CNNM2: variants seen among roughly 807,000 people sequenced by gnomAD.
CNNM2 encodes metal transporter CNNM2.
CNNM2 carries 12 observed loss-of-function variants against 66.9 expected under a neutral mutation model. The ratio of observed to expected loss-of-function variants is 0.18; its 90% CI spans 0.11 to 0.29. CNNM2 has a LOEUF of 0.29. CNNM2 is among the 10% of genes least tolerant of loss of function. The pLI is 1.00. For synonymous variants in CNNM2, 557 were observed against 501.8 expected, an observed-to-expected ratio of 1.11 and a Z score of -1.47; for missense variants, 705 against 1,167.7, an observed-to-expected ratio of 0.60 and a Z score of 5.77.
intron 4 of CNNM2, among the ~76,000 whole-genome samples, chr10:103,060,621 A>ACATT (rs1338312682): frequency 1.3e-5 from 2 of 152,236 alleles, no homozygotes; most frequent in African/African-American, 4.8e-5. Context: ...AAATTGTGAT[A>ACATT]CATTCTCTTA....
At chr10:103,038,806 A>G (rs951980242) in intron 1 of CNNM2, among the ~76,000 whole-genome samples, 5 of 152,180 alleles carry the variant, frequency 3.3e-5, no homozygotes, top group African/African-American at 1.2e-4. Flanking sequence ...TGTCTCCCAG[A>G]ATAGCAACAG....
intron 1 of CNNM2, among the ~76,000 whole-genome samples, chr10:103,010,950 GT>G (rs964162265): frequency 2.0e-5 from 3 of 152,024 alleles, no homozygotes; most frequent in Admixed American, 6.6e-5. Flanking sequence ...TTACTTTTTC[GT>G]TTTTTCAGAG....
intron 1 of CNNM2, among the ~76,000 whole-genome samples, chr10:102,969,371 G>C (rs543531607): frequency 6.6e-6 from 1 of 151,734 alleles, no homozygotes; most frequent in Admixed American, 6.6e-5. Context: ...CTGCCACCAC[G>C]CCTAGCTAAT....
chr10:103,035,648 C>G (rs1391935363), intron 1 of CNNM2, among the ~76,000 whole-genome samples: 1 of 152,146 alleles, frequency 6.6e-6, no homozygotes, highest in Non-Finnish European at 1.5e-5. Context: ...TATTAATTGC[C>G]TCACTTTGGG....
At chr10:102,958,789 A>ACTAGGACTTTGTGCTTTGGTTTGTGATAG (rs1240193602) in intron 1 of CNNM2, among the ~76,000 whole-genome samples, 1 of 151,158 alleles carries the variant, frequency 6.6e-6, no homozygotes, top group Non-Finnish European at 1.5e-5. Context: ...TTTTTAATCA[A>ACTAGGACTTTGTGCTTTGGTTTGTGATAG]CTAGGACTTT....
At chr10:103,015,621 A>C (rs1377362105) in intron 1 of CNNM2, among the ~76,000 whole-genome samples, 1 of 152,094 alleles carries the variant, frequency 6.6e-6, no homozygotes, top group Non-Finnish European at 1.5e-5. Context: ...TAGAAGGCCA[A>C]GGAGGGTGGA....
chr10:102,950,652 A>G (rs1001265965), intron 1 of CNNM2, among the ~76,000 whole-genome samples: 4 of 151,892 alleles, frequency 2.6e-5, no homozygotes. Context: ...TACTCATGAC[A>G]CTGAGGCTGG....
rs1247071165 is a variant in CNNM2 at position 102,919,126 on chromosome 10, G to A, written c.646G>A (p.Gly216Ser). Reference sequence around the variant, plus strand: ...CACGGGTGGCGCCGTCGGGGGCAAGGGTGGCTCGGGGGTGGCCGGGCTCCC... The same window carrying A: ...CACGGGTGGCGCCGTCGGGGGCAAGAGTGGCTCGGGGGTGGCCGGGCTCCC... ...GSTGGAVGGK[G>S]GSGVAGLPPP... Residue 216 changes from glycine to serine, a missense_variant, in exon 1 of 8, where the codon GGT becomes AGT. By Grantham distance (56) the Gly-to-Ser change is moderately conservative. This residue lies in a region of CNNM2 where 100 missense variants were observed against 151.9 expected (regional missense o/e 0.66). Coordinates refer to ENST00000369878, the MANE Select transcript of CNNM2 (RefSeq NM_017649.5). 3.7e-6 allele frequency: 6 copies of A among 1,610,940 alleles called. No individual in the cohort carries two copies. The highest frequency in any genetic ancestry group is 4.5e-5 in the East Asian group (2 of 44,840).
Position 103,088,781 on chromosome 10 carries a change from T to C in CNNM2, c.*11601T>C, listed in dbSNP as rs776086936. 10 of 182,804 alleles carry C rather than the reference T, an allele frequency of 5.5e-5. No homozygotes were observed. Among genetic ancestry groups the C allele is most frequent in the Non-Finnish European group, 8.2e-5 (7 of 85,882 alleles). The allele number at this position is 182,804 out of a possible 1,614,324, so 11.3% of individuals were successfully genotyped here. Reference sequence around the variant, plus strand: ...ACAGAGCCCTCTTCCCATCCTCTGATGTTCAATTTTAATATACAGCAATCA... The same window carrying C: ...ACAGAGCCCTCTTCCCATCCTCTGACGTTCAATTTTAATATACAGCAATCA... On this transcript the variant is annotated 3_prime_UTR_variant, in exon 8 of 8. Transcript: ENST00000369878.
Position 102,918,327 on chromosome 10 carries a change from T to G in CNNM2, c.-154T>G, listed in dbSNP as rs558771089. 6 of 1,295,340 alleles carry G rather than the reference T, an allele frequency of 4.6e-6. No homozygotes were observed. The highest frequency in any genetic ancestry group is 6.1e-5 in the Admixed American group (2 of 32,882). 80.2% of individuals were successfully genotyped at this position (1,295,340 alleles called of 1,614,324 possible). On this transcript the variant is annotated 5_prime_UTR_variant, in exon 1 of 8. Coordinates refer to ENST00000369878, the MANE Select transcript of CNNM2 (RefSeq NM_017649.5). The surrounding 1 kb of genome is among the most constrained non-coding windows in gnomAD (Gnocchi z 4.1). ...CTTTCCCTCCCGCGAGCCTCGGGGT[T>G]CCTCAGCTGGCTGAGGTGGAGTCAG...
Position 102,918,405 on chromosome 10 carries a change from G to C in CNNM2, c.-76G>C. ...CACTGGCCGCGGACGCTCCGTTGCA[G>C]TCTCGCCCAGGGGCCGGTACCTGCG... On this transcript the variant is annotated 5_prime_UTR_variant, in exon 1 of 8. Transcript: ENST00000369878. This position sits in a 1 kb window ranked among gnomAD's most constrained non-coding sequence, Gnocchi z 4.1. 1.9e-6 allele frequency: 3 copies of C among 1,546,090 alleles called. No individual in the cohort carries two copies. In the South Asian group the frequency reaches 3.5e-5, roughly 18 times the overall value.
chr10:103,058,601 T>C (rs1260681736), intron 4 of CNNM2, among the ~76,000 whole-genome samples: 3 of 152,366 alleles, frequency 2.0e-5, no homozygotes, highest in East Asian at 1.9e-4. Context: ...TTTTAAGATA[T>C]TTTTGATAAG....
chr10:102,939,205 A>G (rs1373823963), intron 1 of CNNM2, among the ~76,000 whole-genome samples: 1 of 152,158 alleles, frequency 6.6e-6, no homozygotes, highest in Non-Finnish European at 1.5e-5. Flanking sequence ...AAGGTTGTAA[A>G]TATTTCCTTA....
intron 1 of CNNM2, among the ~76,000 whole-genome samples, chr10:103,012,394 C>T (rs1250000833): frequency 6.6e-6 from 1 of 152,140 alleles, no homozygotes; most frequent in Non-Finnish European, 1.5e-5. Flanking sequence ...GCCTGTAATC[C>T]CAGCACTTTG....
chr10:103,039,699 C>T (rs1191666118), intron 1 of CNNM2, among the ~76,000 whole-genome samples: 1 of 152,042 alleles, frequency 6.6e-6, no homozygotes, highest in Non-Finnish European at 1.5e-5. Flanking sequence ...GGCAGGGCAG[C>T]CCCAGTGGGT....
intron 1 of CNNM2, among the ~76,000 whole-genome samples, chr10:103,023,899 A>T (rs2064644728): frequency 6.6e-6 from 1 of 152,224 alleles, no homozygotes; most frequent in Non-Finnish European, 1.5e-5. Context: ...TATTTTTTAG[A>T]TGTGATAATT....
At position 102,918,741 on chromosome 10, in the gene CNNM2, C is replaced by T; in HGVS notation, c.261C>T (p.Phe87=). ...LRLEDTNDVS[F]MEGGALRVSE... ...TGGAGGACACGAACGACGTGTCGTT[C>T]ATGGAAGGGGGGGCGCTGCGGGTGA... The change falls in exon 1 of 8, where the codon TTC becomes TTT. Residue 87 remains phenylalanine, a synonymous_variant. Coordinates refer to ENST00000369878, the MANE Select transcript of CNNM2 (RefSeq NM_017649.5). This position sits in a 1 kb window ranked among gnomAD's most constrained non-coding sequence, Gnocchi z 4.1. 2.5e-6 allele frequency: 4 copies of T among 1,586,358 alleles called. No homozygotes were observed. Among genetic ancestry groups the T allele is most frequent in the Non-Finnish European group, 3.4e-6 (4 of 1,167,150 alleles).
At position 103,082,420 on chromosome 10, in the gene CNNM2, G is replaced by T. The variant is rs571196227; in HGVS notation, c.*5240G>T. 2.0e-5 allele frequency: 3 copies of T among 152,314 alleles called. No homozygotes were observed. In the South Asian group the frequency reaches 6.2e-4, roughly 32 times the overall value. 9.4% of individuals were successfully genotyped at this position (152,314 alleles called of 1,614,324 possible). ...GAGGTCTTAGGATTCTCATTCCCCA[G>T]AGAGCCCCAGCCTCGCTTCTGATCA... On this transcript the variant is annotated 3_prime_UTR_variant, in exon 8 of 8. Coordinates refer to ENST00000369878, the MANE Select transcript of CNNM2 (RefSeq NM_017649.5).
chr10:102,936,786 T>C (rs1846257267), intron 1 of CNNM2, among the ~76,000 whole-genome samples: 1 of 152,230 alleles, frequency 6.6e-6, no homozygotes, highest in Non-Finnish European at 1.5e-5. Context: ...AGTATGTTTT[T>C]CTGTGTTGCT....
Sources: allele counts gnomAD v4.1 joint callset (sites outside exome capture counted in the v4.1 genomes callset), GRCh38; gene constraint gnomAD v4.1.1; regional missense constraint gnomAD v4.1.1; non-coding constraint Gnocchi (gnomAD v3.1); transcripts MANE v1.5; gene names NCBI Gene and HGNC (gene_info 2026-07-23, HGNC 2026-07-21).